ANK1: variants seen among roughly 807,000 people sequenced by gnomAD.
The protein encoded by ANK1 is ankyrin 1.
Under a neutral mutation model 210.4 loss-of-function variants are expected in ANK1, and 51 were observed. That is an observed-to-expected ratio of 0.24 (90% CI 0.19 to 0.31). The LOEUF is 0.31. ANK1 is among the 10% of genes least tolerant of loss of function. ANK1 has a pLI of 1.00. For synonymous variants in ANK1, 967 were observed against 1,025.9 expected, an observed-to-expected ratio of 0.94 and a Z score of 1.10; for missense variants, 2,051 against 2,504.4, an observed-to-expected ratio of 0.82 and a Z score of 3.86.
chr8:41,803,005 G>GAAAGA (rs1587074613), intron 1 of ANK1, among the ~76,000 whole-genome samples: 1 of 77,320 alleles, frequency 1.3e-5, no homozygotes, highest in African/African-American at 6.3e-5. Context: ...GAGAAAGAAA[G>GAAAGA]AAAGAAAGAA....
chr8:41,732,025 G>A (rs529351532), intron 3 of ANK1, among the ~76,000 whole-genome samples: 20 of 152,326 alleles, frequency 1.3e-4, no homozygotes, highest in Admixed American at 1.2e-3. Context: ...GTCAGAAAGA[G>A]CAACTCAGTT....
In ANK1 at chr8:41,693,945, C is replaced by CTGTCCCTCGGGT. The variant is rs770723240; in HGVS notation, c.3473_3484dup (p.Asn1158_Asp1161dup). On this transcript the variant is annotated inframe_insertion, in exon 29 of 43. Coordinates refer to ENST00000289734, the MANE Select transcript of ANK1 (RefSeq NM_000037.4). ...CAGGCTGGTGGTGTCTCCCTCCCCGCTGTCCCTCGGGTTGTCGGTCCAGGA... is the reference window on the plus strand; with the variant it reads ...CAGGCTGGTGGTGTCTCCCTCCCCGCTGTCCCTCGGGTTGTCCCTCGGGTTGTCGGTCCAGGA... 3 of 1,613,788 alleles carry CTGTCCCTCGGGT rather than the reference C, an allele frequency of 1.9e-6. No individual in the cohort carries two copies. In the Admixed American group the frequency reaches 5.0e-5, roughly 27 times the overall value.
At chr8:41,663,523 C>T in intron 40 of ANK1, 136 bp downstream of exon 40, 1 of 846,868 alleles carries the variant, frequency 1.2e-6, no homozygotes, top group East Asian at 2.6e-5. Flanking sequence ...TCCATCCCTC[C>T]TGAGCACGGG....
At chr8:41,858,548 C>A (rs542821793) in intron 1 of ANK1, among the ~76,000 whole-genome samples, 6 of 152,170 alleles carry the variant, frequency 3.9e-5, no homozygotes, top group Non-Finnish European at 5.9e-5. Context: ...CGGGTGCAAA[C>A]AGTCAGTGCC....
At chr8:41,791,201 T>G (rs1038697088) in intron 1 of ANK1, among the ~76,000 whole-genome samples, 13 of 134,148 alleles carry the variant, frequency 9.7e-5, no homozygotes, top group East Asian at 4.2e-4. Context: ...TTTGTTTTTT[T>G]TTTTTTTTTT....
At chr8:41,799,793 C>T (rs1849580279), upstream of ANK1, among the ~76,000 whole-genome samples, 1 of 152,112 alleles carries the variant, frequency 6.6e-6, no homozygotes, top group African/African-American at 2.4e-5. Context: ...AGGAAAAGGC[C>T]AGGCATGCTC....
chr8:41,674,971 C>A (rs1813683415), intron 37 of ANK1, among the ~76,000 whole-genome samples: 1 of 152,196 alleles, frequency 6.6e-6, no homozygotes, highest in African/African-American at 2.4e-5. Flanking sequence ...AGGGCCATGG[C>A]CTTCAAACCC....
chr8:41,714,933 C>T (rs1827202538), intron 15 of ANK1, 43 bp downstream of exon 15: 1 of 1,593,110 alleles, frequency 6.3e-7, no homozygotes, highest in Admixed American at 1.7e-5. Flanking sequence ...CTGTCCTTGC[C>T]TCTAACCTGA....
chr8:41,802,948 AG>A (rs555272770), intron 1 of ANK1, among the ~76,000 whole-genome samples: 3,684 of 31,068 alleles, frequency 0.12, 834 homozygotes, highest in African/African-American at 0.36. Context: ...GGAGAGAGAA[AG>A]GGGGGGGGGG....
At chr8:41,701,401 A>G (rs1481416094) in intron 22 of ANK1, 149 bp downstream of exon 22, 1 of 684,192 alleles carries the variant, frequency 1.5e-6, no homozygotes, top group Non-Finnish European at 2.6e-6. Context: ...CAACAGTTAT[A>G]AAAACCAGGT....
intron 10 of ANK1, 80 bp from the exon 11 acceptor site, chr8:41,718,284 C>T (rs1828282974): frequency 2.1e-6 from 3 of 1,411,726 alleles, no homozygotes; most frequent in Non-Finnish European, 3.0e-6. Context: ...CACCTGGCTG[C>T]TCTAAAAGGC....
intron 1 of ANK1, among the ~76,000 whole-genome samples, chr8:41,802,979 A>AAGAAAGAG (rs1400790993): frequency 0.035 from 3,198 of 92,582 alleles, 485 homozygotes; most frequent in Non-Finnish European, 0.059. Context: ...GAGATGAAAA[A>AAGAAAGAG]AGAAAGAGAG....
chr8:41,713,330 G>A (rs941903393), intron 16 of ANK1, among the ~76,000 whole-genome samples: 2 of 152,160 alleles, frequency 1.3e-5, no homozygotes, highest in Admixed American at 6.5e-5. Context: ...CAGTCCCGCG[G>A]TGCCTATCCC....
At chr8:41,858,777 G>C (rs1812690401) in intron 1 of ANK1, among the ~76,000 whole-genome samples, 1 of 152,252 alleles carries the variant, frequency 6.6e-6, no homozygotes. Context: ...AGTTTGTTGT[G>C]TGGATTAAAT....
Position 41,661,424 on chromosome 8 carries a change from C to T in ANK1, c.*36+6G>A, listed in dbSNP as rs1042939443. 7 of 1,613,686 alleles carry T rather than the reference C, an allele frequency of 4.3e-6. No individual in the cohort carries two copies. The highest frequency in any genetic ancestry group is 1.7e-5 in the Admixed American group (1 of 59,986). The stretch of plus-strand genomic sequence containing the variant: ...CATGCAGAGGGGATGAGAAGGGCAG[C>T]GTTACCTCCCGAGAGGCTACTCCAA... On this transcript the variant is annotated splice_donor_region_variant and intron_variant, in intron 42 of 42. Transcript: ENST00000289734.
chr8:41,695,860 T>C (rs1820758747), intron 26 of ANK1, among the ~76,000 whole-genome samples: 1 of 152,166 alleles, frequency 6.6e-6, no homozygotes, highest in Non-Finnish European at 1.5e-5. Flanking sequence ...GCAGCAAAGC[T>C]CCAGGAGGAG....
chr8:41,771,404 C>G (rs1043197898), intron 1 of ANK1, among the ~76,000 whole-genome samples: 1 of 152,196 alleles, frequency 6.6e-6, no homozygotes, highest in African/African-American at 2.4e-5. Context: ...TCCATCACAA[C>G]CACACCCTTA....
At chr8:41,849,925 A>G (rs144226437) in intron 1 of ANK1, among the ~76,000 whole-genome samples, 4 of 152,124 alleles carry the variant, frequency 2.6e-5, no homozygotes, top group Non-Finnish European at 5.9e-5. Flanking sequence ...TGCTACAAGC[A>G]GACAGTATCA....
intron 38 of ANK1, among the ~76,000 whole-genome samples, chr8:41,670,502 C>G (rs1811920837): frequency 1.3e-5 from 2 of 152,328 alleles, no homozygotes; most frequent in Admixed American, 1.3e-4. Flanking sequence ...AGGTGTCTCT[C>G]TCCCGGGAAG....
Sources: allele counts gnomAD v4.1 joint callset (sites outside exome capture counted in the v4.1 genomes callset), GRCh38; gene constraint gnomAD v4.1.1; transcripts MANE v1.5; gene names NCBI Gene and HGNC (gene_info 2026-07-23, HGNC 2026-07-21).